The following ASIC2 variants were observed in gnomAD, a reference collection of about 807,000 sequenced individuals.
ASIC2 encodes the protein acid sensing ion channel subunit 2, also known as acid-sensing ion channel 2.
In ASIC2, 25 loss-of-function variants were observed where a neutral mutation model predicts 57.3. The observed-to-expected ratio is 0.44, with a 90% CI of 0.32 to 0.61. The LOEUF (loss-of-function observed/expected upper bound fraction) is 0.61, where lower values mean the gene tolerates loss of function less well. Among genes scored for constraint, ASIC2 ranks in the 20% least tolerant of loss-of-function variants. The pLI, the probability that ASIC2 is intolerant of heterozygous loss-of-function variation, is 0.06. For synonymous variants in ASIC2, 319 were observed against 307.5 expected (o/e 1.04, Z -0.39); for missense variants, 641 against 738.1 (o/e 0.87, Z 1.52).
At chr17:33,813,382 C>G (rs560356579) in intron 1 of ASIC2, among the ~76,000 whole-genome samples, 24 of 152,314 alleles carry the variant, frequency 1.6e-4, no homozygotes, top group African/African-American at 5.8e-4. Context: ...AACAAACAAA[C>G]AAACAAACAA....
chr17:33,201,626 T>A (rs886217275), intron 1 of ASIC2, among the ~76,000 whole-genome samples: 36 of 152,342 alleles, frequency 2.4e-4, no homozygotes, highest in African/African-American at 8.4e-4. Flanking sequence ...TAAACATGAC[T>A]GCAGCCCTGC....
At chr17:33,651,766 G>C (rs1351941778) in intron 1 of ASIC2, among the ~76,000 whole-genome samples, 1 of 152,230 alleles carries the variant, frequency 6.6e-6, no homozygotes, top group East Asian at 1.9e-4. Context: ...CCATGTCCCT[G>C]TCTGGACCAG....
intron 1 of ASIC2, among the ~76,000 whole-genome samples, chr17:33,517,415 C>G (rs889575951): frequency 1.3e-5 from 2 of 152,222 alleles, no homozygotes; most frequent in Non-Finnish European, 2.9e-5. Flanking sequence ...GGCATCTGGC[C>G]TTTTGCTGCG....
intron 1 of ASIC2, among the ~76,000 whole-genome samples, chr17:33,308,544 G>A (rs76103061): frequency 4.4e-4 from 67 of 152,250 alleles, no homozygotes; most frequent in Non-Finnish European, 5.9e-4. Flanking sequence ...CCAAATTCTG[G>A]TTCTAGAGCC....
intron 3 of ASIC2, among the ~76,000 whole-genome samples, chr17:33,061,237 G>A (rs147088927): frequency 0.016 from 2,393 of 152,240 alleles, 52 homozygotes; most frequent in African/African-American, 0.053. Flanking sequence ...CCTGTCTTGT[G>A]CCAATTTTCA....
At chr17:33,014,688 G>T (rs2091796613) in intron 9 of ASIC2, among the ~76,000 whole-genome samples, 1 of 152,114 alleles carries the variant, frequency 6.6e-6, no homozygotes, top group Non-Finnish European at 1.5e-5. Context: ...GCAGGGCACC[G>T]CTAGCCAGGA....
At chr17:33,532,772 A>G (rs1217806262) in intron 1 of ASIC2, among the ~76,000 whole-genome samples, 1 of 152,278 alleles carries the variant, frequency 6.6e-6, no homozygotes, top group East Asian at 1.9e-4. Context: ...CCAGCCCAAG[A>G]TAGCCTCGAT....
intron 1 of ASIC2, among the ~76,000 whole-genome samples, chr17:33,387,511 AC>A (rs748553423): frequency 6.6e-5 from 10 of 152,234 alleles, no homozygotes; most frequent in Admixed American, 1.3e-4. Flanking sequence ...TTCTGGCAAG[AC>A]ACAGACCCTC....
At chr17:34,099,746 GAAAGAAAGAAAGAAAGAAAGAA>G (rs1910773223) in intron 1 of ASIC2, among the ~76,000 whole-genome samples, 1 of 2,302 alleles carries the variant, frequency 4.3e-4, no homozygotes, top group Non-Finnish European at 1.2e-3. Flanking sequence ...AAGAAAGAAA[GAAAGAAAGAAAGAAAGAAAGAA>G]AGAAAGAAAG....
At chr17:33,840,991 T>C (rs1427617764) in intron 1 of ASIC2, among the ~76,000 whole-genome samples, 4 of 152,076 alleles carry the variant, frequency 2.6e-5, no homozygotes, top group African/African-American at 9.7e-5. Flanking sequence ...CCAGACTTTA[T>C]AGCAAGTGGA....
Position 33,013,587 on chromosome 17 carries a change from C to T in ASIC2, c.*378G>A, listed in dbSNP as rs2091789686. ...ACTTTGGACCTGGAATCTGGTCCCA[C>T]TGCACGGGCAGCAGTGTGGACACTG... On this transcript the variant is annotated 3_prime_UTR_variant, in exon 10 of 10. Coordinates refer to ENST00000225823, the MANE Select transcript of ASIC2 (RefSeq NM_183377.2). The T allele has an allele frequency of 9.0e-6, 2 of 221,104 alleles. No individual in the cohort carries two copies. Among genetic ancestry groups the T allele is most frequent in the Non-Finnish European group, 1.8e-5 (2 of 109,098 alleles). 13.7% of individuals were successfully genotyped at this position (221,104 alleles called of 1,614,324 possible).
At chr17:33,793,294 T>A (rs1161932833) in intron 1 of ASIC2, 1 of 152,242 alleles carries the variant, frequency 6.6e-6, no homozygotes, top group Non-Finnish European at 1.5e-5. Flanking sequence ...CAGAGCACTT[T>A]CCAAAACTTA....
intron 1 of ASIC2, among the ~76,000 whole-genome samples, chr17:33,113,636 A>G (rs1284677057): frequency 6.6e-6 from 1 of 152,216 alleles, no homozygotes; most frequent in Non-Finnish European, 1.5e-5. Context: ...TCTTATGTAA[A>G]TCTTTACGGC....
At chr17:33,054,317 A>C (rs573396558) in intron 3 of ASIC2, among the ~76,000 whole-genome samples, 7 of 152,124 alleles carry the variant, frequency 4.6e-5, no homozygotes, top group Middle Eastern at 3.4e-3. Context: ...AAATGACTAG[A>C]CTTCTGGACT....
At chr17:33,298,455 C>A (rs1278240403) in intron 1 of ASIC2, among the ~76,000 whole-genome samples, 1 of 152,162 alleles carries the variant, frequency 6.6e-6, no homozygotes, top group Non-Finnish European at 1.5e-5. Flanking sequence ...GCATAGTATT[C>A]CATGGTGTAT....
At chr17:34,042,498 G>T (rs1908176067) in intron 1 of ASIC2, among the ~76,000 whole-genome samples, 1 of 152,000 alleles carries the variant, frequency 6.6e-6, no homozygotes, top group African/African-American at 2.4e-5. Flanking sequence ...TCTAGAAAAT[G>T]CAAATTAGTA....
At chr17:33,125,686 T>G (rs533378456) in intron 1 of ASIC2, among the ~76,000 whole-genome samples, 1 of 152,370 alleles carries the variant, frequency 6.6e-6, no homozygotes, top group East Asian at 1.9e-4. Flanking sequence ...AATATCATCA[T>G]GGATTCATGC....
At chr17:33,182,131 T>C (rs1471016002) in intron 1 of ASIC2, among the ~76,000 whole-genome samples, 2 of 152,080 alleles carry the variant, frequency 1.3e-5, no homozygotes, top group African/African-American at 2.4e-5. Flanking sequence ...CTGAAGGTTA[T>C]TGCAATAATC....
chr17:33,101,345 T>C (rs939319008), intron 2 of ASIC2, among the ~76,000 whole-genome samples: 3 of 152,230 alleles, frequency 2.0e-5, no homozygotes, highest in Non-Finnish European at 2.9e-5. Context: ...AATTATTATT[T>C]TTATCAAAGC....
Sources: gnomAD v4.1 joint callset for allele counts (sites outside exome capture counted in the v4.1 genomes callset) on GRCh38, gnomAD v4.1.1 for gene constraint, MANE v1.5 for transcripts, NCBI Gene and HGNC (gene_info 2026-07-23, HGNC 2026-07-21) for gene names.